ACOT11: variants seen among roughly 807,000 people sequenced by gnomAD.
ACOT11 encodes the protein acyl-CoA thioesterase 11, also known as acyl-coenzyme A thioesterase 11.
A neutral mutation model predicts 77.5 loss-of-function variants in ACOT11; 69 were observed. The ratio of observed to expected loss-of-function variants is 0.89; its 90% CI spans 0.73 to 1.09. The LOEUF is 1.09. Ranked by LOEUF, ACOT11 falls within the 50% of genes least tolerant of loss-of-function variation. ACOT11 has a pLI of 0.00. For synonymous variants in ACOT11, 279 were observed against 313.0 expected, an observed-to-expected ratio of 0.89 and a Z score of 1.15; for missense variants, 766 against 813.7, an observed-to-expected ratio of 0.94 and a Z score of 0.71.
chr1:54,568,070 C>T (rs1301518543), intron 1 of ACOT11, among the ~76,000 whole-genome samples: 1 of 152,174 alleles, frequency 6.6e-6, no homozygotes, highest in Non-Finnish European at 1.5e-5. Flanking sequence ...CCTGTTCTTC[C>T]TCTGACAGCC....
downstream of ACOT11, chr1:54,611,127 C>T: frequency 1.4e-6 from 1 of 691,530 alleles, no homozygotes; most frequent in Non-Finnish European, 1.8e-6. Flanking sequence ...TGGAATCCCT[C>T]AGTTTCTCTA....
chr1:54,563,024 C>T (rs1653597247), intron 1 of ACOT11, among the ~76,000 whole-genome samples: 1 of 150,334 alleles, frequency 6.7e-6, no homozygotes, highest in African/African-American at 2.5e-5. Flanking sequence ...GCAGAGGCTG[C>T]AATCTCGGCA....
chr1:54,564,851 C>A (rs1305390977), intron 1 of ACOT11, among the ~76,000 whole-genome samples: 1 of 152,114 alleles, frequency 6.6e-6, no homozygotes, highest in African/African-American at 2.4e-5. Context: ...GAGCCTGCTT[C>A]GTGCCAGGTA....
At chr1:54,570,707 C>T (rs1239483074) in intron 1 of ACOT11, among the ~76,000 whole-genome samples, 2 of 149,412 alleles carry the variant, frequency 1.3e-5, no homozygotes, top group Non-Finnish European at 3.0e-5. Flanking sequence ...GACAGAGTCT[C>T]GCCCTGTTGC....
At chr1:54,578,193 GTGCT>G (rs61329555) in intron 1 of ACOT11, among the ~76,000 whole-genome samples, 18,065 of 152,062 alleles carry the variant, frequency 0.12, 2,546 homozygotes, top group African/African-American at 0.34. Flanking sequence ...TGGCCTGGCT[GTGCT>G]TGCTGCCCGT....
At position 54,601,377 on chromosome 1, in the gene ACOT11, G is replaced by A. The variant is rs1300580406; in HGVS notation, c.993G>A (p.Gln331=). ...TTGTGGTCCTGGACGCAGATGACCA[G>A]CCCCAGTTGCTGCCCTGGATTCGGC... is the stretch of plus-strand genomic sequence containing the variant. The part of the protein sequence containing the change: ...MTFVVLDADD[Q]PQLLPWIRPQ... The change falls in exon 9 of 16, where the codon CAG becomes CAA. Residue 331 remains glutamine (Q), a synonymous_variant. Transcript: ENST00000343744. The A allele has an allele frequency of 5.0e-6, 8 of 1,613,472 alleles. No individual in the cohort carries two copies. Among genetic ancestry groups the A allele is most frequent in the Non-Finnish European group, 5.9e-6 (7 of 1,179,982 alleles).
chr1:54,562,292 CG>C (rs1653540315), intron 1 of ACOT11, among the ~76,000 whole-genome samples: 1 of 103,180 alleles, frequency 9.7e-6, no homozygotes, highest in Non-Finnish European at 2.0e-5. Flanking sequence ...CCCTCCCGGA[CG>C]GGGCGGCTGG....
intron 1 of ACOT11, among the ~76,000 whole-genome samples, chr1:54,554,998 G>A (rs578198872): frequency 8.7e-4 from 133 of 152,196 alleles, no homozygotes; most frequent in African/African-American, 2.8e-3. Context: ...TCACTCTGTC[G>A]CCCAGGCTGG....
intron 1 of ACOT11, among the ~76,000 whole-genome samples, chr1:54,563,037 T>C (rs1653597836): frequency 6.6e-6 from 1 of 150,698 alleles, no homozygotes; most frequent in African/African-American, 2.4e-5. Flanking sequence ...TCTCGGCACT[T>C]TGGGAGGCCA....
At chr1:54,618,583 C>T (rs929374117) in intron 15 of ACOT11, among the ~76,000 whole-genome samples, 31 of 151,954 alleles carry the variant, frequency 2.0e-4, no homozygotes, top group Non-Finnish European at 3.1e-4. Flanking sequence ...TGGGGGCTGA[C>T]TTGCTTGGGG....
exon 17 of ACOT11, chr1:54,635,654 A>C (rs1445826136): frequency 5.8e-6 from 1 of 173,426 alleles, no homozygotes; most frequent in Non-Finnish European, 1.2e-5. Flanking sequence ...TAAATGGGTA[A>C]AAACACTTGG....
intron 1 of ACOT11, among the ~76,000 whole-genome samples, chr1:54,563,131 C>T (rs1345989939): frequency 6.6e-6 from 1 of 152,154 alleles, no homozygotes; most frequent in Non-Finnish European, 1.5e-5. Flanking sequence ...CGCTCGCTGG[C>T]GCGGCGGCAA....
In ACOT11 at chr1:54,622,697, C is replaced by G. The variant is rs185786461; in HGVS notation, c.1630-8037C>G. On this transcript the variant is annotated intron_variant, in intron 15 of 16. Transcript: ENST00000371316. Reference sequence around the variant, plus strand: ...GAGGCTGCAGTGAGTTGAGATTGCACCATTGCACTCCAGCCTGGGGGACAA... The same window carrying G: ...GAGGCTGCAGTGAGTTGAGATTGCAGCATTGCACTCCAGCCTGGGGGACAA... Among the ~76,000 whole-genome samples the G allele has an allele frequency of 1.5e-3, 226 of 151,694 alleles. 1 individual carries two copies. The highest frequency in any genetic ancestry group is 2.0e-3 in the Non-Finnish European group (135 of 67,912).
rs760581824 is a variant in ACOT11 at position 54,584,638 on chromosome 1, C to T, written c.34-17C>T. 20 of 1,611,170 alleles carry T rather than the reference C, an allele frequency of 1.2e-5. No individual in the cohort carries two copies. The highest frequency in any genetic ancestry group is 1.7e-5 in the Admixed American group (1 of 59,764). On this transcript the variant is annotated splice_polypyrimidine_tract_variant and intron_variant, in intron 1 of 15. Coordinates refer to ENST00000343744, the MANE Select transcript of ACOT11 (RefSeq NM_147161.4). This position sits in a 1 kb window ranked among gnomAD's most constrained non-coding sequence, Gnocchi z 6.3. Reference sequence around the variant, plus strand: ...AGCAGACCTCTCTGTCCCCACCTGTCCCCACCTGTACCCCAGGGCTTGGCC... The same window carrying T: ...AGCAGACCTCTCTGTCCCCACCTGTTCCCACCTGTACCCCAGGGCTTGGCC...
chr1:54,616,082 G>C, intron 15 of ACOT11: 1 of 1,614,192 alleles, frequency 6.2e-7, no homozygotes, highest in South Asian at 1.1e-5. Flanking sequence ...ACTGTAGATA[G>C]TGGGGGGGTG....
At chr1:54,610,601 AAC>A, downstream of ACOT11, 2 of 1,594,300 alleles carry the variant, frequency 1.3e-6, no homozygotes, top group Non-Finnish European at 1.7e-6. Context: ...CCATTCACAG[AAC>A]ACCTTACCTG....
intron 15 of ACOT11, among the ~76,000 whole-genome samples, chr1:54,628,941 C>T (rs777503958): frequency 2.3e-5 from 3 of 129,460 alleles, no homozygotes; most frequent in South Asian, 2.6e-4. Context: ...TGCCTGTGAT[C>T]GCAGCTATTT....
chr1:54,553,119 G>A (rs943934615), intron 1 of ACOT11, among the ~76,000 whole-genome samples: 1 of 152,018 alleles, frequency 6.6e-6, no homozygotes, highest in African/African-American at 2.4e-5. Flanking sequence ...GAACCACCAT[G>A]CCCGGCCAGT....
chr1:54,561,097 T>TAG (rs1463527526), intron 1 of ACOT11, among the ~76,000 whole-genome samples: 1 of 149,994 alleles, frequency 6.7e-6, no homozygotes, highest in Non-Finnish European at 1.5e-5. Flanking sequence ...TTTTATTTTT[T>TAG]TTTATTTTTT....
Sources: allele counts gnomAD v4.1 joint callset (sites outside exome capture counted in the v4.1 genomes callset), GRCh38; gene constraint gnomAD v4.1.1; non-coding constraint Gnocchi (gnomAD v3.1); transcripts MANE v1.5; gene names NCBI Gene and HGNC (gene_info 2026-07-23, HGNC 2026-07-21).